PLK2: variants seen among roughly 807,000 people sequenced by gnomAD.
PLK2 encodes polo like kinase 2.
In PLK2, 25 loss-of-function variants were observed where a neutral mutation model predicts 78.1. The ratio of observed to expected loss-of-function variants is 0.32; its 90% CI spans 0.23 to 0.45. The LOEUF is 0.45. Among genes scored for constraint, PLK2 ranks in the 20% least tolerant of loss-of-function variants. The pLI is 1.00. For synonymous variants in PLK2, 332 were observed against 298.2 expected (o/e 1.11, Z -1.17); for missense variants, 566 against 840.2 (o/e 0.67, Z 4.04).
At position 58,454,037 on chromosome 5, in the gene PLK2, AAAAG is replaced by A. The variant is rs1162601347; in HGVS notation, c.*542_*545del. The stretch of plus-strand genomic sequence containing the variant: ...CGGTTTAAAATGGTCAACATAAAAA[AAAAG>A]ACATTTTGATAATAAATACTGCTCT... On this transcript the variant is annotated 3_prime_UTR_variant, in exon 14 of 14. Transcript: ENST00000274289. The A allele has an allele frequency of 1.3e-5, 2 of 152,688 alleles. No homozygotes were observed. Among genetic ancestry groups the A allele is most frequent in the Non-Finnish European group, 2.9e-5 (2 of 68,060 alleles). The allele number at this position is 152,688 out of a possible 1,614,324, so 9.5% of individuals were successfully genotyped here. A position where few individuals can be genotyped will look rare whatever the true frequency, so the allele number is the denominator to read the frequency against.
chr5:58,457,138 G>A (rs2291634), intron 7 of PLK2, 43 bp downstream of exon 7: 16,261 of 1,607,010 alleles, frequency 0.01, 440 homozygotes, highest in East Asian at 0.076. Flanking sequence ...CAGGTAACTG[G>A]GATCAATACC....
intron 3 of PLK2, 51 bp downstream of exon 3, chr5:58,458,674 C>A: frequency 8.0e-7 from 1 of 1,249,352 alleles, no homozygotes; most frequent in South Asian, 1.2e-5. Flanking sequence ...TCTTTGAATA[C>A]CATGTTAATT....
At position 58,459,865 on chromosome 5, in the gene PLK2, T is replaced by C. The variant is rs1465854004; in HGVS notation, c.95A>G (p.Lys32Arg). 1 of 1,611,378 alleles carries C rather than the reference T, an allele frequency of 6.2e-7. No individual in the cohort carries two copies. The highest frequency in any genetic ancestry group is 1.3e-5 in the African/African-American group (1 of 75,020). ...LGKGCGADSK[K>R]KRPPQPPEES... The stretch of plus-strand genomic sequence containing the variant: ...CTCGGGGGGCTGCGGCGGCCGCTTC[T>C]TCTTCGAGTCCGCTCCGCAACCCTT... Residue 32 changes from lysine to arginine, a missense_variant, in exon 1 of 14, where the codon AAG (lysine) becomes AGG (arginine). This residue lies in a region of PLK2 where 127 missense variants were observed against 122.5 expected (regional missense o/e 1.04). Transcript: ENST00000274289.
chr5:58,455,876 A>G, intron 10 of PLK2, 97 bp from the exon 11 acceptor site: 1 of 1,510,230 alleles, frequency 6.6e-7, no homozygotes, highest in Non-Finnish European at 9.0e-7. Flanking sequence ...TTAATTCGAA[A>G]GACATAGAAC....
At position 58,454,615 on chromosome 5, in the gene PLK2, C is replaced by A. The variant is rs1208662901; in HGVS notation, c.2026G>T (p.Ala676Ser). The stretch of plus-strand genomic sequence containing the variant: ...CATCTTTGTAAGAGCATGTTCAGGG[C>A]ATATTCCATTCGATTTTTTAATTCT... The part of the protein sequence containing the change: ...SSELKNRMEY[A>S]LNMLLQRCN The change falls in exon 14 of 14, where the codon GCC (alanine) becomes TCC (serine). Residue 676 changes from alanine to serine, a missense_variant. Physicochemically the swap from Ala to Ser is moderately conservative, Grantham distance 99. This residue lies in a region of PLK2 where 130 missense variants were observed against 196.4 expected (regional missense o/e 0.66). Coordinates refer to ENST00000274289, the MANE Select transcript of PLK2 (RefSeq NM_006622.4). 2.5e-6 allele frequency: 4 copies of A among 1,613,528 alleles called. No individual in the cohort carries two copies. The African/African-American group carries it at 5.3e-5, about 22-fold the overall frequency.
intron 5 of PLK2, 57 bp from the exon 6 acceptor site, chr5:58,457,640 T>C: frequency 1.0e-6 from 1 of 976,176 alleles, no homozygotes; most frequent in Non-Finnish European, 1.7e-6. Context: ...TTAAACTTGG[T>C]TCTCTTGACA....
chr5:58,454,596 T>C lies in PLK2; in HGVS notation c.2045A>G (p.Gln682Arg). The C allele has an allele frequency of 1.2e-6, 2 of 1,610,796 alleles. No homozygotes were observed. Among genetic ancestry groups the C allele is most frequent in the South Asian group, 2.2e-5 (2 of 90,690 alleles). ...TCGAAAAGTCTTTCAGTTACATCTT[T>C]GTAAGAGCATGTTCAGGGCATATTC... Reference protein sequence around the residue: ...RMEYALNMLLQRCN With the variant: ...RMEYALNMLLRRCN The change falls in exon 14 of 14, where the codon CAA becomes CGA. Residue 682 changes from glutamine to arginine, a missense_variant. Transcript: ENST00000274289.
At chr5:58,455,083 T>C in intron 12 of PLK2, 62 bp from the exon 13 acceptor site, 1 of 1,166,814 alleles carries the variant, frequency 8.6e-7, no homozygotes, top group Non-Finnish European at 1.3e-6. Flanking sequence ...CACTCTATTA[T>C]TATTCTAAGA....
chr5:58,456,250 G>A, intron 9 of PLK2, 95 bp from the exon 10 acceptor site: 1 of 1,236,310 alleles, frequency 8.1e-7, no homozygotes, highest in Non-Finnish European at 1.1e-6. Context: ...CAATTGCTGG[G>A]AAAGCTCATC....
Position 58,456,009 on chromosome 5 carries a change from G to A in PLK2, c.1384+17C>T, listed in dbSNP as rs73094318. 16,133 of 1,602,686 alleles carry A rather than the reference G, an allele frequency of 0.01. 437 individuals carry two copies. Among genetic ancestry groups the A allele is most frequent in the East Asian group, 0.076 (3,397 of 44,806 alleles). ...TTTCGAGTTTCATTATTTAAAATAC[G>A]ATTGACAACCACTTACATTCACTGC... On this transcript the variant is annotated intron_variant, in intron 10 of 13. Coordinates refer to ENST00000274289, the MANE Select transcript of PLK2 (RefSeq NM_006622.4).
At chr5:58,458,618 C>A in intron 3 of PLK2, 90 bp from the exon 4 acceptor site, 1 of 1,385,650 alleles carries the variant, frequency 7.2e-7, no homozygotes, top group South Asian at 1.2e-5. Context: ...TGAAAGTTAA[C>A]TTTGCAGTGT....
chr5:58,454,875 G>A (rs371154244), intron 13 of PLK2, 36 bp downstream of exon 13: 28 of 1,484,610 alleles, frequency 1.9e-5, no homozygotes, highest in Non-Finnish European at 2.5e-5. Flanking sequence ...TTCTGTTTAG[G>A]ACCTAAACGT....
At position 58,457,229 on chromosome 5, in the gene PLK2, C is replaced by T. The variant is rs376280692; in HGVS notation, c.960G>A (p.Glu320=). Residue 320 remains glutamate (E), a synonymous_variant, in exon 7 of 14, where the codon GAG becomes GAA. Coordinates refer to ENST00000274289, the MANE Select transcript of PLK2 (RefSeq NM_006622.4). ...TGATGTCATCCAAACTGGGACGATCCTCTGGGTTTTTGGACAACATACTAG... is the reference window on the plus strand; with the variant it reads ...TGATGTCATCCAAACTGGGACGATCTTCTGGGTTTTTGGACAACATACTAG... ...LIASMLSKNP[E]DRPSLDDIIR... is the part of the protein sequence containing the mutation. 5.0e-6 allele frequency: 8 copies of T among 1,613,966 alleles called. No individual in the cohort carries two copies. The highest frequency in any genetic ancestry group is 5.9e-6 in the Non-Finnish European group (7 of 1,180,038).
In PLK2 at chr5:58,455,644, C is replaced by T. The variant is rs1743579067; in HGVS notation, c.1520G>A (p.Trp507Ter). 6.2e-7 allele frequency: 1 copy of T among 1,613,928 alleles called. No individual in the cohort carries two copies. Among genetic ancestry groups the T allele is most frequent in the Admixed American group, 1.7e-5 (1 of 59,958 alleles). Residue 507 changes from tryptophan (W) to a stop codon, truncating the protein, a stop_gained, in exon 11 of 14, where the codon TGG becomes TAG. Transcript: ENST00000274289. LOFTEE classifies it high-confidence loss of function. ...LSTSFQWVTK[W>*]VDYSNKYGFG... ...GCCATATTTGTTAGAGTAATCAACC[C>T]ATTTGGTGACCCACTGAAATGATGT...
chr5:58,458,539 G>C lies in PLK2; in HGVS notation c.496-11C>G. ...AATATGAGCCATTGACTAAGAAGAGGAGAAGGAAAAAAGAGAATCTGTCAA... is the reference window on the plus strand; with the variant it reads ...AATATGAGCCATTGACTAAGAAGAGCAGAAGGAAAAAAGAGAATCTGTCAA... On this transcript the variant is annotated splice_polypyrimidine_tract_variant and intron_variant, in intron 3 of 13. Transcript: ENST00000274289. The C allele has an allele frequency of 1.3e-6, 2 of 1,598,800 alleles. No individual in the cohort carries two copies. The highest frequency in any genetic ancestry group is 1.7e-6 in the Non-Finnish European group (2 of 1,174,042).
At position 58,458,067 on chromosome 5, in the gene PLK2, A is replaced by T. The variant is rs141060140; in HGVS notation, c.713+17T>A. 227 of 1,555,436 alleles carry T rather than the reference A, an allele frequency of 1.5e-4. No homozygotes were observed. In the African/African-American group the frequency reaches 2.7e-3, roughly 18 times the overall value. On this transcript the variant is annotated intron_variant, in intron 5 of 13. Coordinates refer to ENST00000274289, the MANE Select transcript of PLK2 (RefSeq NM_006622.4). The stretch of plus-strand genomic sequence containing the variant: ...TCTCCACAAAAGTCTACTAGGATGC[A>T]TCTTTCTGACTCTTACCTCCTTCTG...
rs1170545605 is a variant in PLK2, at chr5:58,456,165, GAGA to G, written c.1255-13_1255-11del. ...TAGGTGGCTGGAGCTCCTTAGAAGA[GAGA>G]AGATTTATGCAATGAGTCAAGCATC... is the stretch of plus-strand genomic sequence containing the variant. On this transcript the variant is annotated splice_polypyrimidine_tract_variant and intron_variant, in intron 9 of 13. Transcript: ENST00000274289. The G allele has an allele frequency of 1.6e-5, 26 of 1,606,488 alleles. No individual in the cohort carries two copies. Among genetic ancestry groups the G allele is most frequent in the South Asian group, 2.2e-5 (2 of 89,368 alleles).
In PLK2 at chr5:58,453,987, G is replaced by A. The variant is rs1743531151; in HGVS notation, c.*596C>T. ...CTAAAGACAGGAGACCATTATTTCT[G>A]CGTTTTCATACTCTTTATTGCCAAC... On this transcript the variant is annotated 3_prime_UTR_variant, in exon 14 of 14. Transcript: ENST00000274289. The A allele has an allele frequency of 6.6e-6, 1 of 152,388 alleles. No homozygotes were observed. The highest frequency in any genetic ancestry group is 6.6e-5 in the Admixed American group (1 of 15,260). 9.4% of individuals were successfully genotyped at this position (152,388 alleles called of 1,614,324 possible).
Position 58,455,574 on chromosome 5 carries a change from G to A in PLK2, c.1590C>T (p.Asn530=). 2 of 1,614,088 alleles carry A rather than the reference G, an allele frequency of 1.2e-6. No homozygotes were observed. Among genetic ancestry groups the A allele is most frequent in the Admixed American group, 1.7e-5 (1 of 60,016 alleles). The change falls in exon 11 of 14, where the codon AAC becomes AAT. Residue 530 remains asparagine (N), a synonymous_variant. Coordinates refer to ENST00000274289, the MANE Select transcript of PLK2 (RefSeq NM_006622.4). The stretch of plus-strand genomic sequence containing the variant: ...GAAGGAGGCTCATGTGAGCACCATT[G>A]TTGAAAAGGACACCGACGGTGTGGT... ...LSDHTVGVLF[N]NGAHMSLLPD...
Sources: gnomAD v4.1 joint callset for allele counts on GRCh38, gnomAD v4.1.1 for gene constraint, gnomAD v4.1.1 regional missense constraint, MANE v1.5 for transcripts, NCBI Gene and HGNC (gene_info 2026-07-23, HGNC 2026-07-21) for gene names.